ARHGAP8: variants seen among roughly 807,000 people sequenced by gnomAD.
ARHGAP8 encodes Rho GTPase activating protein 8, also known as rho GTPase-activating protein 8.
In ARHGAP8, 62 loss-of-function variants were observed where a neutral mutation model predicts 46.1. That is an observed-to-expected ratio of 1.34 (90% CI 1.10 to 1.66). The LOEUF is 1.66. ARHGAP8 is among the 40% of genes most tolerant of loss of function. The pLI is 0.00. For missense variants in ARHGAP8, 923 were observed against 568.4 expected, an observed-to-expected ratio of 1.62 and a Z score of -6.34; for synonymous variants, 375 against 243.1, an observed-to-expected ratio of 1.54 and a Z score of -5.05.
At chr22:44,857,830 G>T (rs7286001) in intron 10 of ARHGAP8, among the ~76,000 whole-genome samples, 56,674 of 151,920 alleles carry the variant, frequency 0.37, 10,865 homozygotes, top group African/African-American at 0.39. Context: ...ACACTGGGGT[G>T]GTTGAAATGC....
intron 11 of ARHGAP8, among the ~76,000 whole-genome samples, chr22:44,861,464 GCAGCCAGGGGGAGC>G (rs2070479919): frequency 1.7e-5 from 2 of 118,068 alleles, no homozygotes; most frequent in Non-Finnish European, 1.9e-5. Flanking sequence ...TGGGGGACCG[GCAGCCAGGGGGAGC>G]CTGAAAGGCA....
intron 10 of ARHGAP8, among the ~76,000 whole-genome samples, chr22:44,858,401 CTT>C (rs1385732309): frequency 4.7e-5 from 7 of 147,760 alleles, no homozygotes; most frequent in Non-Finnish European, 8.9e-5. Flanking sequence ...GAGTTTCACT[CTT>C]GTTGCCCAGG....
chr22:44,818,178 G>C (rs1256842686), intron 5 of ARHGAP8, among the ~76,000 whole-genome samples: 1 of 151,930 alleles, frequency 6.6e-6, no homozygotes, highest in African/African-American at 2.4e-5. Context: ...GCCAGGCACA[G>C]TGGCTCACGC....
At chr22:44,788,693 C>T (rs555814975) in intron 2 of ARHGAP8, among the ~76,000 whole-genome samples, 167 of 152,160 alleles carry the variant, frequency 1.1e-3, no homozygotes, top group Non-Finnish European at 1.6e-3. Context: ...CCATGCTGGC[C>T]GGTTATTATT....
At chr22:44,787,681 TC>T (rs1305462276) in intron 2 of ARHGAP8, among the ~76,000 whole-genome samples, 1 of 152,088 alleles carries the variant, frequency 6.6e-6, no homozygotes, top group East Asian at 1.9e-4. Flanking sequence ...CATGCATTTC[TC>T]CCATGGGCAG....
chr22:44,799,980 G>GCCTCTTC (rs1928364936), intron 2 of ARHGAP8, among the ~76,000 whole-genome samples: 1 of 151,858 alleles, frequency 6.6e-6, no homozygotes, highest in Non-Finnish European at 1.5e-5. Context: ...CACTTGTGGG[G>GCCTCTTC]TGGGGCAAGG....
In ARHGAP8 at chr22:44,859,206, C is replaced by G. The variant is rs1471024362; in HGVS notation, c.878-525C>G. Among the ~76,000 whole-genome samples the G allele has an allele frequency of 3.9e-5, 6 of 152,000 alleles. No homozygotes were observed. The East Asian group carries it at 1.2e-3, about 29-fold the overall frequency. On this transcript the variant is annotated intron_variant, in intron 10 of 11. Coordinates refer to ENST00000356099, the MANE Select transcript of ARHGAP8 (RefSeq NM_181335.3). ...GTGATGATAGGGCTTGGATCTGAGT[C>G]CCCAGCGCGTCTCATGTTGAATTGA...
chr22:44,859,272 G>A (rs1172886503), intron 10 of ARHGAP8, among the ~76,000 whole-genome samples: 1 of 152,174 alleles, frequency 6.6e-6, no homozygotes, highest in African/African-American at 2.4e-5. Flanking sequence ...ATTGGATCAT[G>A]AGGGCAGATA....
At chr22:44,779,252 A>G (rs542147320) in intron 1 of ARHGAP8, among the ~76,000 whole-genome samples, 40 of 151,816 alleles carry the variant, frequency 2.6e-4, no homozygotes, top group Admixed American at 2.4e-3. Flanking sequence ...GGTCCCCACC[A>G]TCCACGCCTG....
chr22:44,818,021 G>A (rs2147109122), intron 5 of ARHGAP8, among the ~76,000 whole-genome samples: 1 of 152,302 alleles, frequency 6.6e-6, no homozygotes, highest in South Asian at 2.1e-4. Context: ...GGCTGAGGTG[G>A]GAGGATTGCT....
chr22:44,788,507 GCA>G (rs1483138809), intron 2 of ARHGAP8, among the ~76,000 whole-genome samples: 1 of 151,822 alleles, frequency 6.6e-6, no homozygotes, highest in African/African-American at 2.4e-5. Context: ...CCTCCCAAGT[GCA>G]AGTCCTCCTG....
rs112958674 is a variant in ARHGAP8, at chr22:44,859,953, G to T, written c.981+119G>T. The T allele has an allele frequency of 7.9e-4, 930 of 1,178,462 alleles. 8 individuals are homozygous for T. In the African/African-American group the frequency reaches 0.012, roughly 15 times the overall value. 73.0% of individuals were successfully genotyped at this position (1,178,462 alleles called of 1,614,324 possible). On this transcript the variant is annotated intron_variant, in intron 11 of 11. Coordinates refer to ENST00000356099, the MANE Select transcript of ARHGAP8 (RefSeq NM_181335.3). Reference sequence around the variant, plus strand: ...TGGGGTCATGCCCTGCTTGGGCCTCGGAATACCACTCCCTGCCCCCCAAGG... The same window carrying T: ...TGGGGTCATGCCCTGCTTGGGCCTCTGAATACCACTCCCTGCCCCCCAAGG...
intron 11 of ARHGAP8, among the ~76,000 whole-genome samples, chr22:44,861,625 A>C (rs543411446): frequency 2.1e-4 from 32 of 152,216 alleles, no homozygotes; most frequent in Admixed American, 1.6e-3. Context: ...CCCCAGCTTG[A>C]ATCTTGTAGG....
At chr22:44,762,848 T>C (rs544638065) in intron 1 of ARHGAP8, among the ~76,000 whole-genome samples, 13 of 152,262 alleles carry the variant, frequency 8.5e-5, no homozygotes, top group Non-Finnish European at 1.8e-4. Flanking sequence ...CCAGCGATTA[T>C]GAGCTCTCTT....
At chr22:44,826,321 C>T (rs1930519829) in intron 7 of ARHGAP8, among the ~76,000 whole-genome samples, 1 of 152,178 alleles carries the variant, frequency 6.6e-6, no homozygotes, top group Admixed American at 6.5e-5. Context: ...ATTTAAGGGT[C>T]ATTGTTACCG....
At chr22:44,773,627 G>A (rs976663693) in intron 1 of ARHGAP8, among the ~76,000 whole-genome samples, 1 of 152,058 alleles carries the variant, frequency 6.6e-6, no homozygotes, top group African/African-American at 2.4e-5. Flanking sequence ...CTGTTGCCCA[G>A]GCTGGGATGC....
At chr22:44,824,758 G>A (rs1047967927) in intron 6 of ARHGAP8, among the ~76,000 whole-genome samples, 3 of 151,388 alleles carry the variant, frequency 2.0e-5, no homozygotes, top group South Asian at 2.1e-4. Flanking sequence ...TCAGCCTCCC[G>A]AGTAGCTGGG....
intron 7 of ARHGAP8, among the ~76,000 whole-genome samples, chr22:44,837,834 G>T (rs1696000938): frequency 6.6e-6 from 1 of 152,136 alleles, no homozygotes; most frequent in African/African-American, 2.4e-5. Flanking sequence ...AAATGCACGG[G>T]CAGTGGAAAA....
intron 10 of ARHGAP8, among the ~76,000 whole-genome samples, chr22:44,853,639 T>C (rs2070149185): frequency 6.6e-6 from 1 of 152,222 alleles, no homozygotes; most frequent in Non-Finnish European, 1.5e-5. Context: ...TTGACCTATG[T>C]CGGCTCTTTT....
Sources: gnomAD v4.1 joint callset for allele counts (sites outside exome capture counted in the v4.1 genomes callset) on GRCh38, gnomAD v4.1.1 for gene constraint, MANE v1.5 for transcripts, NCBI Gene and HGNC (gene_info 2026-07-23, HGNC 2026-07-21) for gene names.